The following LRRC4C variants were observed in gnomAD, a reference collection of about 807,000 sequenced individuals.
The protein encoded by LRRC4C is leucine-rich repeat-containing protein 4C.
LRRC4C carries 5 observed loss-of-function variants against 33.6 expected under a neutral mutation model. The ratio of observed to expected loss-of-function variants is 0.15; its 90% confidence interval spans 0.08 to 0.31. The LOEUF (loss-of-function observed/expected upper bound fraction) is 0.31. LRRC4C is among the 10% of genes least tolerant of loss of function. The pLI is 1.00. For synonymous variants in LRRC4C, 329 were observed against 302.0 expected (o/e 1.09, Z -0.93); for missense variants, 560 against 796.7 (o/e 0.70, Z 3.58).
chr11:41,420,019 C>T (rs924505360), intron 1 of LRRC4C, among the ~76,000 whole-genome samples: 6 of 151,736 alleles, frequency 4.0e-5, no homozygotes, highest in African/African-American at 7.3e-5. Context: ...CGCAGGCCTT[C>T]GATGCGGTGG....
In LRRC4C at chr11:40,432,762, T is replaced by C. The variant is rs142301897; in HGVS notation, c.-269-113041A>G. 2.0e-5 allele frequency among the ~76,000 whole-genome samples: 3 copies of C among 152,346 alleles called. No individual in the cohort carries two copies. The East Asian group carries it at 5.8e-4, about 29-fold the overall frequency. On this transcript the variant is annotated intron_variant, in intron 3 of 6. Transcript: ENST00000528697. ...GTTGATTCAGTAGTTCTCAAAATAA[T>C]TGTGCTCTTTATGTTCATTTTATCA...
chr11:41,059,022 A>C (rs939549087), intron 1 of LRRC4C, among the ~76,000 whole-genome samples: 1 of 152,070 alleles, frequency 6.6e-6, no homozygotes, highest in African/African-American at 2.4e-5. Flanking sequence ...TATGGACACA[A>C]ACTAGGGAAC....
chr11:41,128,707 G>A (rs968429461), intron 1 of LRRC4C, among the ~76,000 whole-genome samples: 3 of 151,842 alleles, frequency 2.0e-5, no homozygotes, highest in African/African-American at 7.3e-5. Context: ...TTCTATAATT[G>A]TCTCAAAAGT....
At chr11:41,295,318 CAACT>C (rs1438742555) in intron 1 of LRRC4C, among the ~76,000 whole-genome samples, 1 of 151,846 alleles carries the variant, frequency 6.6e-6, no homozygotes, top group Admixed American at 6.6e-5. Flanking sequence ...TGTAGTTTAC[CAACT>C]GAGTCAATAG....
chr11:41,126,210 T>A (rs1424618390), intron 1 of LRRC4C, among the ~76,000 whole-genome samples: 2 of 152,026 alleles, frequency 1.3e-5, no homozygotes, highest in Admixed American at 6.6e-5. Flanking sequence ...ATTAAATTTT[T>A]AAAAAATTGT....
At chr11:40,960,319 A>G (rs768974078) in intron 1 of LRRC4C, among the ~76,000 whole-genome samples, 2 of 151,794 alleles carry the variant, frequency 1.3e-5, no homozygotes, top group African/African-American at 4.8e-5. Context: ...AAATAATTAG[A>G]TGTCAATGAT....
At chr11:40,374,337 C>T (rs1948577125) in intron 3 of LRRC4C, among the ~76,000 whole-genome samples, 1 of 152,060 alleles carries the variant, frequency 6.6e-6, no homozygotes, top group Non-Finnish European at 1.5e-5. Flanking sequence ...TTTATTAATT[C>T]CCTAATCTGT....
chr11:40,567,999 TC>T (rs1457947316), intron 3 of LRRC4C, among the ~76,000 whole-genome samples: 1 of 152,220 alleles, frequency 6.6e-6, no homozygotes, highest in Non-Finnish European at 1.5e-5. Flanking sequence ...ACCCATTTCT[TC>T]ACTTTCCAGT....
intron 1 of LRRC4C, among the ~76,000 whole-genome samples, chr11:41,312,264 C>T (rs1170077707): frequency 6.6e-6 from 1 of 152,170 alleles, no homozygotes; most frequent in Non-Finnish European, 1.5e-5. Context: ...TTTCTAAACC[C>T]TTCAAAATGC....
At chr11:40,502,098 A>C (rs1482038448) in intron 3 of LRRC4C, among the ~76,000 whole-genome samples, 1 of 152,096 alleles carries the variant, frequency 6.6e-6, no homozygotes, top group African/African-American at 2.4e-5. Context: ...AACAAGAGTC[A>C]CCTTTGCTCT....
At chr11:41,280,381 G>T (rs1035820606) in intron 1 of LRRC4C, among the ~76,000 whole-genome samples, 2 of 152,136 alleles carry the variant, frequency 1.3e-5, no homozygotes, top group African/African-American at 4.8e-5. Context: ...GGAAGTTTTG[G>T]AACTGGGGAT....
At chr11:41,072,000 T>C (rs1396264376) in intron 1 of LRRC4C, among the ~76,000 whole-genome samples, 1 of 152,124 alleles carries the variant, frequency 6.6e-6, no homozygotes, top group Non-Finnish European at 1.5e-5. Context: ...ACTGAATTGC[T>C]GCAATTTCAT....
At chr11:40,450,636 A>C (rs1951840651) in intron 3 of LRRC4C, among the ~76,000 whole-genome samples, 3 of 152,148 alleles carry the variant, frequency 2.0e-5, no homozygotes, top group Admixed American at 2.0e-4. Context: ...GCCTGTTAGA[A>C]AGTATTACAC....
chr11:41,168,372 C>T (rs888527301), intron 1 of LRRC4C, among the ~76,000 whole-genome samples: 1 of 152,176 alleles, frequency 6.6e-6, no homozygotes, highest in South Asian at 2.1e-4. Flanking sequence ...GATGTCTCAT[C>T]CAAAATCCAG....
chr11:40,343,565 G>A (rs560544684), intron 3 of LRRC4C, among the ~76,000 whole-genome samples: 30 of 151,822 alleles, frequency 2.0e-4, no homozygotes, highest in Middle Eastern at 3.4e-3. Context: ...TGGTCCATGC[G>A]TTCTCATTGA....
intron 1 of LRRC4C, among the ~76,000 whole-genome samples, chr11:40,957,955 A>G (rs1346815223): frequency 6.7e-6 from 1 of 150,152 alleles, no homozygotes; most frequent in African/African-American, 2.4e-5. Flanking sequence ...AGGTGATACT[A>G]TTAGGAGGTG....
chr11:40,589,324 T>G (rs1043508006), intron 3 of LRRC4C, among the ~76,000 whole-genome samples: 37 of 152,172 alleles, frequency 2.4e-4, no homozygotes, highest in Non-Finnish European at 4.0e-4. Flanking sequence ...GTTTTCCATT[T>G]GCTTGGTAGA....
At chr11:40,478,737 C>A (rs1224365597) in intron 3 of LRRC4C, among the ~76,000 whole-genome samples, 1 of 152,084 alleles carries the variant, frequency 6.6e-6, no homozygotes, top group Admixed American at 6.6e-5. Flanking sequence ...GACCATTGGG[C>A]CAAAATAGGC....
chr11:40,199,521 CA>C (rs1862535746), intron 5 of LRRC4C, among the ~76,000 whole-genome samples: 1 of 152,156 alleles, frequency 6.6e-6, no homozygotes, highest in African/African-American at 2.4e-5. Flanking sequence ...CATGATTTCA[CA>C]GACATTTATA....
Sources: allele counts gnomAD v4.1 joint callset (sites outside exome capture counted in the v4.1 genomes callset), GRCh38; gene constraint gnomAD v4.1.1; transcripts MANE v1.5; gene names NCBI Gene and HGNC (gene_info 2026-07-23, HGNC 2026-07-21).